Variants in ARMCX4 observed in about 807,000 individuals in gnomAD.
The protein encoded by ARMCX4 is armadillo repeat containing X-linked 4, also known as armadillo repeat-containing X-linked protein 4.
Under a neutral mutation model 34.7 loss-of-function variants are expected in ARMCX4, and 3 were observed. The ratio of observed to expected loss-of-function variants is 0.09; its 90% confidence interval spans 0.04 to 0.22. ARMCX4 has a LOEUF of 0.22. Ranked by LOEUF, ARMCX4 falls within the 10% of genes least tolerant of loss-of-function variation. ARMCX4 has a pLI of 1.00. For synonymous variants in ARMCX4, 513 were observed against 632.8 expected (o/e 0.81, Z 2.84); for missense variants, 1,448 against 1,720.8 (o/e 0.84, Z 2.81).
chrX:101,519,936 T>G (rs186768472), intron 11 of ARMCX4, among the ~76,000 whole-genome samples: 14 of 111,541 alleles, frequency 1.3e-4, no homozygotes, highest in African/African-American at 4.5e-4. Context: ...TGAGCATTTT[T>G]TTATATACCT....
rs1375999946 is a variant in ARMCX4, at chrX:101,489,297, A to G, written c.708A>G (p.Thr236=). ...CTGGAATTGTGGATGAAACCAAGAC[A>G]AGAGCTCTGGAAGAGACTGTGAGTG... The part of the protein sequence containing the change: ...NKTGIVDETK[T]RALEETVSVA... Residue 236 remains threonine (T), a synonymous_variant, in exon 6 of 6, where the codon ACA becomes ACG. Transcript: ENST00000423738. 50 of 1,154,406 alleles carry G rather than the reference A, an allele frequency of 4.3e-5. No homozygotes were observed. The highest frequency in any genetic ancestry group is 5.6e-5 in the Non-Finnish European group (49 of 872,732).
Position 101,494,010 on chromosome X carries a change from A to AGGGCTGAGGCTGAGGTTGGGGCTGGGGCT in ARMCX4, c.5424_5425insCTGAGGCTGAGGTTGGGGCTGGGGCTGGG (p.Ala1809LeufsTer63). 1.5e-5 allele frequency: 4 copies of AGGGCTGAGGCTGAGGTTGGGGCTGGGGCT among 265,699 alleles called. No individual in the cohort carries two copies. The highest frequency in any genetic ancestry group is 1.5e-5 in the Non-Finnish European group (3 of 198,302). 21.9% of individuals were successfully genotyped at this position (265,699 alleles called of 1,213,427 possible). ...AGGTGGCTTATATGGGCTCCTGTGT[A>AGGGCTGAGGCTGAGGTTGGGGCTGGGGCT]GGGGCTGAGGCTGGGGCTGGGGCTG... On this transcript the variant is annotated frameshift_variant, in exon 6 of 6. Transcript: ENST00000423738. LOFTEE classifies it high-confidence loss of function.
At chrX:101,480,155 C>CACACACAG (rs1556005135) in intron 4 of ARMCX4, among the ~76,000 whole-genome samples, 4 of 94,873 alleles carry the variant, frequency 4.2e-5, no homozygotes, top group Admixed American at 2.4e-4. Context: ...CACACACACA[C>CACACACAG]ACACACACAC....
intron 8 of ARMCX4, among the ~76,000 whole-genome samples, chrX:101,507,545 T>C (rs1556015462): frequency 9.0e-6 from 1 of 111,653 alleles, no homozygotes; most frequent in Admixed American, 9.6e-5. Flanking sequence ...AGAAACTCCC[T>C]TGTCATCATA....
At chrX:101,421,777 G>A (rs1266460905) in intron 2 of ARMCX4, among the ~76,000 whole-genome samples, 1 of 110,420 alleles carries the variant, frequency 9.1e-6, no homozygotes, top group Admixed American at 9.7e-5. Flanking sequence ...TGTGAGGGTA[G>A]AGCCCTCATG....
chrX:101,501,573 C>T (rs374968569), intron 7 of ARMCX4, among the ~76,000 whole-genome samples: 1 of 111,738 alleles, frequency 8.9e-6, no homozygotes, highest in South Asian at 3.7e-4. Flanking sequence ...TATATAGCAA[C>T]AGTAGCATTC....
intron 2 of ARMCX4, among the ~76,000 whole-genome samples, chrX:101,443,086 G>A (rs1352685275): frequency 3.0e-5 from 3 of 99,040 alleles, no homozygotes; most frequent in South Asian, 4.9e-4. Flanking sequence ...AGCCGAGATC[G>A]TGCCACTGCA....
chrX:101,504,516 C>T lies in ARMCX4; in HGVS notation c.*1178-421C>T, dbSNP rs189102704. 1.2e-4 allele frequency among the ~76,000 whole-genome samples: 13 copies of T among 110,544 alleles called. 1 individual carries two copies. In the East Asian group the frequency reaches 3.7e-3, roughly 31 times the overall value. ...CTTCAAAACATGGGACTTAGGGGGG[C>T]CTTCTGGCTCAGTCCTAAGAGCCCT... On this transcript the variant is annotated intron_variant and NMD_transcript_variant, in intron 7 of 12. Transcript: ENST00000354842.
Position 101,492,953 on chromosome X carries a change from A to G in ARMCX4, c.4364A>G (p.His1455Arg). ...ANGGSWTGAGHPASVGPKPIF... is the reference protein window; with the variant it reads ...ANGGSWTGAGRPASVGPKPIF... The stretch of plus-strand genomic sequence containing the variant: ...GGAGGGTCCTGGACTGGGGCTGGGC[A>G]TCCAGCTAGTGTTGGGCCAAAGCCT... Residue 1455 changes from histidine (H) to arginine (R), a missense_variant, in exon 6 of 6, where the codon CAT becomes CGT. His to Arg is a conservative substitution (Grantham distance 29, BLOSUM62 0). Transcript: ENST00000423738. 8.7e-7 allele frequency: 1 copy of G among 1,151,997 alleles called. No individual in the cohort carries two copies. Among genetic ancestry groups the G allele is most frequent in the Non-Finnish European group, 1.1e-6 (1 of 870,916 alleles). The allele number at this position is 1,151,997 out of a possible 1,213,427, so 94.9% of individuals were successfully genotyped here. A position where few individuals can be genotyped will look rare whatever the true frequency, so the allele number is the denominator to read the frequency against.
rs782223842 is a variant in ARMCX4 at position 101,504,700 on chromosome X, G to A, written c.*1178-237G>A. On this transcript the variant is annotated intron_variant and NMD_transcript_variant, in intron 7 of 12. Coordinates refer to the ARMCX4 transcript ENST00000354842. Reference sequence around the variant, plus strand: ...GTAGTAGACTTAGGGCTTAGAGGCTGGTTTAAGATTTTGAGTACAGTGGGT... The same window carrying A: ...GTAGTAGACTTAGGGCTTAGAGGCTAGTTTAAGATTTTGAGTACAGTGGGT... Among the ~76,000 whole-genome samples, 28 of 111,414 alleles carry A rather than the reference G, an allele frequency of 2.5e-4. 1 individual carries two copies. Among genetic ancestry groups the A allele is most frequent in the African/African-American group, 9.1e-4 (28 of 30,703 alleles).
intron 2 of ARMCX4, among the ~76,000 whole-genome samples, chrX:101,428,145 C>T (rs997598141): frequency 7.1e-5 from 8 of 111,913 alleles, no homozygotes; most frequent in Admixed American, 1.9e-4. Flanking sequence ...TGTGCATAAA[C>T]AAGTGAGTAG....
chrX:101,436,957 G>T (rs1930828881), intron 2 of ARMCX4, among the ~76,000 whole-genome samples: 1 of 111,853 alleles, frequency 8.9e-6, no homozygotes, highest in South Asian at 3.7e-4. Flanking sequence ...TTATTGATTT[G>T]CGTATGTTGA....
In ARMCX4 at chrX:101,480,123, G is replaced by GACAC. The variant is rs57237822; in HGVS notation, c.-472-5850_-472-5847dup. 8.5e-3 allele frequency among the ~76,000 whole-genome samples: 652 copies of GACAC among 76,630 alleles called. 2 individuals carry two copies. The highest frequency in any genetic ancestry group is 0.02 in the Middle Eastern group (3 of 148). The allele number at this position is 76,630 out of a possible 115,157, so 66.5% of individuals were successfully genotyped here. On this transcript the variant is annotated intron_variant and NMD_transcript_variant, in intron 4 of 15. Transcript: ENST00000433011. ...TATATGAATGGTGCTAGGATTTGGA[G>GACAC]ACACACACACACACACACACACACA...
chrX:101,434,886 C>G (rs782015349), intron 2 of ARMCX4, among the ~76,000 whole-genome samples: 1 of 106,910 alleles, frequency 9.4e-6, no homozygotes, highest in Admixed American at 1.0e-4. Context: ...GAACATGCGG[C>G]GTTTGGTTTT....
At position 101,491,819 on chromosome X, in the gene ARMCX4, A is replaced by T. The variant is rs1556009376; in HGVS notation, c.3230A>T (p.Glu1077Val). ...GAGGCCATGCCCACTTCTGAGAGTGAGGGTGGGTCAGGCACTCAAGCCTGC... is the reference window on the plus strand; with the variant it reads ...GAGGCCATGCCCACTTCTGAGAGTGTGGGTGGGTCAGGCACTCAAGCCTGC... ...EAEAMPTSES[E>V]GGSGTQACRK... The change falls in exon 6 of 6, where the codon GAG becomes GTG. Residue 1077 changes from glutamate (E) to valine (V), a missense_variant. Glu to Val is a moderately radical substitution (Grantham distance 121). This residue lies in a region of ARMCX4 where 1,343 missense variants were observed against 1,540.7 expected (regional missense o/e 0.87). Transcript: ENST00000423738. 1 of 1,156,320 alleles carries T rather than the reference A, an allele frequency of 8.6e-7. No individual in the cohort carries two copies. Among genetic ancestry groups the T allele is most frequent in the Non-Finnish European group, 1.1e-6 (1 of 872,840 alleles).
intron 8 of ARMCX4, among the ~76,000 whole-genome samples, chrX:101,508,362 C>T (rs982948888): frequency 8.9e-5 from 10 of 111,929 alleles, no homozygotes; most frequent in African/African-American, 1.9e-4. Context: ...AAGATCAAGA[C>T]GCAGTCAGCA....
chrX:101,530,576 G>T (rs1935106504), intron 11 of ARMCX4, among the ~76,000 whole-genome samples: 1 of 111,836 alleles, frequency 8.9e-6, no homozygotes, highest in African/African-American at 3.2e-5. Context: ...TTCTTCTAGG[G>T]GAACAATAAT....
intron 2 of ARMCX4, among the ~76,000 whole-genome samples, chrX:101,486,813 GCT>G (rs1284010781): frequency 9.1e-6 from 1 of 109,976 alleles, no homozygotes; most frequent in Non-Finnish European, 1.9e-5. Context: ...TGTAGTTCCT[GCT>G]ACTTGGGAGG....
Position 101,435,280 on chromosome X carries a change from C to T in ARMCX4, n.165-8772C>T, listed in dbSNP as rs782169748. 1.1e-4 allele frequency among the ~76,000 whole-genome samples: 12 copies of T among 111,898 alleles called. No individual in the cohort carries two copies. In the East Asian group the frequency reaches 3.1e-3, roughly 29 times the overall value. ...CAGTGTAAAAGTATTCCTATTTCTT[C>T]ACATCCTCTCCAGCACCTGTTGTTT... On this transcript the variant is annotated intron_variant and non_coding_transcript_variant, in intron 2 of 3. Transcript: ENST00000430461.
Sources: gnomAD v4.1 joint callset for allele counts (sites outside exome capture counted in the v4.1 genomes callset) on GRCh38, gnomAD v4.1.1 for gene constraint, gnomAD v4.1.1 regional missense constraint, MANE v1.5 for transcripts, NCBI Gene and HGNC (gene_info 2026-07-23, HGNC 2026-07-21) for gene names.